FNDC3A: variants seen among roughly 807,000 people sequenced by gnomAD.
FNDC3A encodes fibronectin type III domain containing 3A, also known as fibronectin type-III domain-containing protein 3A.
In FNDC3A, 32 loss-of-function variants were observed where a neutral mutation model predicts 148.9. The ratio of observed to expected loss-of-function variants is 0.21; its 90% CI spans 0.16 to 0.29. FNDC3A has a LOEUF of 0.29. FNDC3A is among the 10% of genes least tolerant of loss of function. The pLI, the probability that FNDC3A is intolerant of heterozygous loss-of-function variation, is 1.00. For synonymous variants in FNDC3A, 472 were observed against 473.6 expected (o/e 1.00, Z 0.04); for missense variants, 1,191 against 1,452.8 (o/e 0.82, Z 2.93).
intron 8 of FNDC3A, among the ~76,000 whole-genome samples, chr13:49,159,103 G>T (rs1883918809): frequency 6.6e-6 from 1 of 152,184 alleles, no homozygotes; most frequent in Non-Finnish European, 1.5e-5. Flanking sequence ...GACAATGTGG[G>T]CTCTTTTTTG....
chr13:49,073,166 T>A (rs140153365), intron 2 of FNDC3A, among the ~76,000 whole-genome samples: 1 of 151,738 alleles, frequency 6.6e-6, no homozygotes, highest in East Asian at 1.9e-4. Flanking sequence ...ATAAATAACA[T>A]TGGCTACAGG....
intron 2 of FNDC3A, among the ~76,000 whole-genome samples, chr13:49,022,782 T>G (rs966224648): frequency 3.3e-5 from 5 of 152,000 alleles, no homozygotes; most frequent in African/African-American, 1.2e-4. Flanking sequence ...ATTACTCTCC[T>G]TTTTCAATTA....
At position 49,207,162 on chromosome 13, in the gene FNDC3A, C is replaced by T; in HGVS notation, c.3364C>T (p.Arg1122Cys). 1.9e-6 allele frequency: 3 copies of T among 1,614,078 alleles called. No individual in the cohort carries two copies. Among genetic ancestry groups the T allele is most frequent in the South Asian group, 1.1e-5 (1 of 91,084 alleles). Residue 1122 changes from arginine (R) to cysteine (C), a missense_variant, in exon 26 of 26, where the codon CGC (arginine) becomes TGC (cysteine). By Grantham distance (180) the Arg-to-Cys change is radical. This residue lies in a region of FNDC3A where 751 missense variants were observed against 944.0 expected (regional missense o/e 0.80). Coordinates refer to ENST00000492622, the MANE Select transcript of FNDC3A (RefSeq NM_001079673.2). ...ATATCGCTTCCGTGTATGTGCCATT[C>T]GCCAGTGCCAAGACTCTCTGGGACA... is the stretch of plus-strand genomic sequence containing the variant. ...CEYRFRVCAIRQCQDSLGHQD... is the reference protein window; with the variant it reads ...CEYRFRVCAICQCQDSLGHQD...
At chr13:49,151,289 G>A (rs1188868350) in intron 8 of FNDC3A, among the ~76,000 whole-genome samples, 3 of 152,166 alleles carry the variant, frequency 2.0e-5, no homozygotes, top group Middle Eastern at 3.4e-3. Context: ...TATATGTTTA[G>A]AATTGTTATA....
Position 49,198,384 on chromosome 13 carries a change from A to G in FNDC3A, c.2797A>G (p.Ser933Gly), listed in dbSNP as rs1299170332. 1 of 1,614,220 alleles carries G rather than the reference A, an allele frequency of 6.2e-7. No individual in the cohort carries two copies. Among genetic ancestry groups the G allele is most frequent in the Non-Finnish European group, 8.5e-7 (1 of 1,180,038 alleles). Residue 933 changes from serine to glycine, a missense_variant, in exon 23 of 26, where the codon AGC becomes GGC. Around this residue, in one of 3 missense-constraint regions of FNDC3A, gnomAD observed 751 missense variants for 944.0 expected, o/e 0.80. Coordinates refer to ENST00000492622, the MANE Select transcript of FNDC3A (RefSeq NM_001079673.2). ...TYRIRIQALN[S>G]LGAGPFSHMI... ...TAGAATACGAATTCAAGCCTTGAAT[A>G]GCCTTGGAGCTGGTCCTTTCAGCCA...
intron 2 of FNDC3A, chr13:49,044,334 T>G (rs2137693990): frequency 6.4e-6 from 1 of 157,370 alleles, no homozygotes; most frequent in Admixed American, 6.4e-5. Context: ...ATTTTCAGTC[T>G]TCCAAAGTGT....
chr13:49,094,624 G>A (rs1879405999), intron 3 of FNDC3A, among the ~76,000 whole-genome samples: 1 of 152,006 alleles, frequency 6.6e-6, no homozygotes, highest in Admixed American at 6.6e-5. Context: ...CTGTATCCCT[G>A]ACTCCCATGA....
intron 1 of FNDC3A, among the ~76,000 whole-genome samples, chr13:48,992,853 A>C (rs951751068): frequency 4.6e-5 from 7 of 152,090 alleles, no homozygotes; most frequent in Non-Finnish European, 1.0e-4. Flanking sequence ...AAAAACCACA[A>C]TTACTTTTGC....
chr13:48,988,638 T>G (rs1951849009), intron 1 of FNDC3A, among the ~76,000 whole-genome samples: 1 of 151,580 alleles, frequency 6.6e-6, no homozygotes, highest in Non-Finnish European at 1.5e-5. Flanking sequence ...TATAAGGAGT[T>G]TGAGACCAGC....
intron 4 of FNDC3A, among the ~76,000 whole-genome samples, chr13:49,121,597 C>G (rs1222506897): frequency 1.3e-5 from 2 of 152,064 alleles, no homozygotes; most frequent in African/African-American, 4.8e-5. Flanking sequence ...AGATAGACCA[C>G]TAGCTGGACT....
chr13:49,037,092 A>G (rs756041824), intron 2 of FNDC3A, among the ~76,000 whole-genome samples: 17 of 152,230 alleles, frequency 1.1e-4, no homozygotes, highest in Non-Finnish European at 1.9e-4. Flanking sequence ...TGTTCTAGGT[A>G]TATTCTCTTT....
chr13:49,146,046 C>T (rs1351003027), intron 8 of FNDC3A, 111 bp downstream of exon 8: 6 of 733,772 alleles, frequency 8.2e-6, no homozygotes, highest in African/African-American at 1.8e-5. Context: ...TATTCTGAAT[C>T]TTTAAGTTGG....
chr13:49,067,888 C>T (rs998781173), intron 2 of FNDC3A, among the ~76,000 whole-genome samples: 1 of 152,032 alleles, frequency 6.6e-6, no homozygotes, highest in African/African-American at 2.4e-5. Flanking sequence ...CAGTAATTCA[C>T]CACCACTATA....
intron 25 of FNDC3A, among the ~76,000 whole-genome samples, chr13:49,206,328 T>C (rs1208352659): frequency 1.2e-5 from 1 of 85,362 alleles, no homozygotes; most frequent in Non-Finnish European, 2.7e-5. Flanking sequence ...ACAGTTCTAG[T>C]ATATAGCTTC....
At chr13:48,979,671 A>G (rs929673645) in intron 1 of FNDC3A, among the ~76,000 whole-genome samples, 1 of 152,148 alleles carries the variant, frequency 6.6e-6, no homozygotes, top group African/African-American at 2.4e-5. Context: ...ACATATTAAT[A>G]GCTTAAGCTT....
chr13:49,116,785 C>CAACAAAAAAA (rs1880992069), intron 4 of FNDC3A, among the ~76,000 whole-genome samples: 1 of 140,280 alleles, frequency 7.1e-6, no homozygotes. Flanking sequence ...GACTCCGTCT[C>CAACAAAAAAA]AAAAAAAAAA....
intron 3 of FNDC3A, among the ~76,000 whole-genome samples, chr13:49,098,265 T>G (rs981400909): frequency 6.6e-6 from 1 of 152,146 alleles, no homozygotes; most frequent in African/African-American, 2.4e-5. Context: ...CTAGCCTGCT[T>G]TGTCACTTGA....
At chr13:49,140,859 T>G (rs1322462147) in intron 7 of FNDC3A, among the ~76,000 whole-genome samples, 1 of 152,162 alleles carries the variant, frequency 6.6e-6, no homozygotes, top group Non-Finnish European at 1.5e-5. Flanking sequence ...GGACTAAACC[T>G]TGACAAGGAA....
rs936502074 is a variant in FNDC3A, at chr13:49,104,441, G to A, written c.176-10214G>A. On this transcript the variant is annotated intron_variant, in intron 3 of 25. Coordinates refer to ENST00000492622, the MANE Select transcript of FNDC3A (RefSeq NM_001079673.2). ...CGGGATGCTGAGGCAGGAGAATGGC[G>A]TGAACCCAGGAGGCAGAGCTTGCAG... Among the ~76,000 whole-genome samples the A allele has an allele frequency of 7.9e-5, 12 of 152,070 alleles. No homozygotes were observed. The East Asian group carries it at 1.2e-3, about 15-fold the overall frequency.
Sources: allele counts gnomAD v4.1 joint callset (sites outside exome capture counted in the v4.1 genomes callset), GRCh38; gene constraint gnomAD v4.1.1; regional missense constraint gnomAD v4.1.1; transcripts MANE v1.5; gene names NCBI Gene and HGNC (gene_info 2026-07-23, HGNC 2026-07-21).